Variants in PEBP4 observed in about 807,000 individuals in gnomAD.
PEBP4 encodes the protein phosphatidylethanolamine binding protein 4.
A neutral mutation model predicts 23.9 loss-of-function variants in PEBP4; 22 were observed. The ratio of observed to expected loss-of-function variants is 0.92; its 90% confidence interval spans 0.66 to 1.31. The LOEUF is 1.31. PEBP4 is among the 40% of genes most tolerant of loss of function. The probability of loss-of-function intolerance (pLI) is 0.00; values close to 1 mark genes in which losing one functional copy is unlikely to be tolerated. For missense variants in PEBP4, 324 were observed against 281.7 expected, an observed-to-expected ratio of 1.15 and a Z score of -1.07; for synonymous variants, 112 against 99.3, an observed-to-expected ratio of 1.13 and a Z score of -0.76.
intron 3 of PEBP4, among the ~76,000 whole-genome samples, chr8:22,850,899 G>T (rs1382313136): frequency 6.6e-6 from 1 of 152,146 alleles, no homozygotes; most frequent in Non-Finnish European, 1.5e-5. Flanking sequence ...GTTCAGACAC[G>T]GCTTCATGCC....
chr8:22,780,351 TTG>T (rs1362422929), intron 4 of PEBP4, among the ~76,000 whole-genome samples: 1 of 152,152 alleles, frequency 6.6e-6, no homozygotes, highest in African/African-American at 2.4e-5. Flanking sequence ...ACCAAGGCTG[TTG>T]TTTCTCGACC....
At chr8:22,768,024 T>C (rs1242431315) in intron 4 of PEBP4, among the ~76,000 whole-genome samples, 1 of 152,222 alleles carries the variant, frequency 6.6e-6, no homozygotes, top group Non-Finnish European at 1.5e-5. Context: ...CGTGAGCCAC[T>C]GTGCCCGGCC....
At chr8:22,737,765 T>C (rs1804898666) in intron 4 of PEBP4, among the ~76,000 whole-genome samples, 1 of 152,202 alleles carries the variant, frequency 6.6e-6, no homozygotes, top group African/African-American at 2.4e-5. Flanking sequence ...AGCGTCTGAG[T>C]TTCCGTACCT....
At chr8:22,917,928 G>GA (rs1035516917) in intron 3 of PEBP4, among the ~76,000 whole-genome samples, 43 of 152,230 alleles carry the variant, frequency 2.8e-4, no homozygotes, top group Non-Finnish European at 5.4e-4. Flanking sequence ...AAACAGCACA[G>GA]AAAAAAACAA....
intron 4 of PEBP4, among the ~76,000 whole-genome samples, chr8:22,773,890 C>T (rs1034897125): frequency 2.0e-5 from 3 of 152,116 alleles, no homozygotes; most frequent in Non-Finnish European, 4.4e-5. Context: ...GACCAGAGGA[C>T]GATGGGAGAG....
At chr8:22,892,434 T>G (rs566354726) in intron 3 of PEBP4, among the ~76,000 whole-genome samples, 2 of 152,342 alleles carry the variant, frequency 1.3e-5, no homozygotes, top group Admixed American at 1.3e-4. Flanking sequence ...GCCAGTTTGG[T>G]GGCTTCATTC....
rs1554479294 is a variant in PEBP4 at position 22,732,634 on chromosome 8, T to TGTG, written c.358-5415_358-5414insCAC. Among the ~76,000 whole-genome samples, 311 of 149,180 alleles carry TGTG rather than the reference T, an allele frequency of 2.1e-3. 2 individuals carry two copies. Among genetic ancestry groups the TGTG allele is most frequent in the Middle Eastern group, 6.8e-3 (2 of 294 alleles). Reference sequence around the variant, plus strand: ...CCTTTTTCCTAGAAGCTGGCCCCATTTGTGTGTGTGTGTGTGTGTGTGTGT... The same window carrying TGTG: ...CCTTTTTCCTAGAAGCTGGCCCCATTGTGTGTGTGTGTGTGTGTGTGTGTGTGT... On this transcript the variant is annotated intron_variant, in intron 4 of 6. Transcript: ENST00000256404.
intron 4 of PEBP4, among the ~76,000 whole-genome samples, chr8:22,794,597 A>T (rs1346921095): frequency 6.6e-6 from 1 of 152,150 alleles, no homozygotes; most frequent in Admixed American, 6.5e-5. Context: ...CCATACAATT[A>T]TTATCTTACT....
At chr8:22,882,084 G>A (rs1808270323) in intron 3 of PEBP4, among the ~76,000 whole-genome samples, 1 of 152,170 alleles carries the variant, frequency 6.6e-6, no homozygotes, top group Non-Finnish European at 1.5e-5. Flanking sequence ...GAAGATTAGA[G>A]AACCCCCCAG....
chr8:22,800,310 T>C (rs964479557), intron 4 of PEBP4, among the ~76,000 whole-genome samples: 4 of 152,150 alleles, frequency 2.6e-5, no homozygotes, highest in African/African-American at 9.6e-5. Flanking sequence ...TATTAAGAGT[T>C]GGGACACCTT....
chr8:22,742,375 G>A (rs912110345), intron 4 of PEBP4, among the ~76,000 whole-genome samples: 3 of 152,182 alleles, frequency 2.0e-5, no homozygotes, highest in African/African-American at 2.4e-5. Flanking sequence ...TACCAGTGGC[G>A]CTGCCAGCCC....
At chr8:22,774,764 C>A (rs1046917913) in intron 4 of PEBP4, among the ~76,000 whole-genome samples, 1 of 152,200 alleles carries the variant, frequency 6.6e-6, no homozygotes, top group African/African-American at 2.4e-5. Context: ...CTGGCCATCC[C>A]CGAGGCTGTC....
At chr8:22,757,909 GCTTCCCT>G (rs1805424465) in intron 4 of PEBP4, 1 of 152,264 alleles carries the variant, frequency 6.6e-6, no homozygotes, top group Non-Finnish European at 1.5e-5. Flanking sequence ...TCTGTGCCCA[GCTTCCCT>G]GGCCGGATGC....
chr8:22,838,718 G>A (rs1450133897), intron 3 of PEBP4, among the ~76,000 whole-genome samples: 4 of 152,282 alleles, frequency 2.6e-5, no homozygotes, highest in African/African-American at 9.6e-5. Context: ...GCGCTGAGCT[G>A]TGGCTCGGCC....
intron 3 of PEBP4, among the ~76,000 whole-genome samples, chr8:22,863,664 G>A (rs1006624675): frequency 6.6e-6 from 1 of 152,194 alleles, no homozygotes; most frequent in Non-Finnish European, 1.5e-5. Flanking sequence ...CATAAGCTCA[G>A]ACAGGCGCTG....
At position 22,848,331 on chromosome 8, in the gene PEBP4, C is replaced by T. The variant is rs1304651884; in HGVS notation, c.259-30596G>A. ...CCTGGATTTGTGAGGAGTAGGGAGG[C>T]AGGGGAGGGTTGTCTGCCTGCCGAG... On this transcript the variant is annotated intron_variant, in intron 3 of 6. Transcript: ENST00000256404. Among the ~76,000 whole-genome samples, 3 of 152,086 alleles carry T rather than the reference C, an allele frequency of 2.0e-5. No homozygotes were observed. The South Asian group carries it at 6.3e-4, about 32-fold the overall frequency.
Position 22,763,005 on chromosome 8 carries a change from G to T in PEBP4, c.358-35785C>A, listed in dbSNP as rs373603522. The stretch of plus-strand genomic sequence containing the variant: ...GCAGCATCTTTTCTGAGGGCTGAAA[G>T]AAGTCTTTTTTTTTTTTGAGATCGG... On this transcript the variant is annotated intron_variant, in intron 4 of 6. Transcript: ENST00000256404. Among the ~76,000 whole-genome samples, 6 of 151,694 alleles carry T rather than the reference G, an allele frequency of 4.0e-5. No homozygotes were observed. The East Asian group carries it at 1.2e-3, about 29-fold the overall frequency.
intron 4 of PEBP4, among the ~76,000 whole-genome samples, chr8:22,728,198 A>G (rs1804656009): frequency 6.6e-6 from 1 of 152,060 alleles, no homozygotes; most frequent in African/African-American, 2.4e-5. Flanking sequence ...GCCCTGCTTG[A>G]GGTGGGGGCA....
At chr8:22,781,212 C>CGTTTGGA (rs1228766181) in intron 4 of PEBP4, among the ~76,000 whole-genome samples, 1 of 152,340 alleles carries the variant, frequency 6.6e-6, no homozygotes, top group East Asian at 1.9e-4. Context: ...CTGCCCACCA[C>CGTTTGGA]GTTTGGATGC....
Sources: gnomAD v4.1 joint callset for allele counts (sites outside exome capture counted in the v4.1 genomes callset) on GRCh38, gnomAD v4.1.1 for gene constraint, MANE v1.5 for transcripts, NCBI Gene and HGNC (gene_info 2026-07-23, HGNC 2026-07-21) for gene names.